Variants in PAFAH1B1 observed in about 807,000 individuals in gnomAD.
PAFAH1B1 encodes the protein platelet-activating factor acetylhydrolase IB subunit beta.
In PAFAH1B1, 2 loss-of-function variants were observed where a neutral mutation model predicts 57.5. The observed-to-expected ratio is 0.03, with a 90% CI of 0.01 to 0.11. The LOEUF is 0.11. PAFAH1B1 is among the 10% of genes least tolerant of loss of function. The probability of loss-of-function intolerance (pLI) is 1.00; values close to 1 mark genes in which losing one functional copy is unlikely to be tolerated. For missense variants in PAFAH1B1, 257 were observed against 512.0 expected (o/e 0.50, Z 4.81); for synonymous variants, 152 against 169.6 (o/e 0.90, Z 0.81).
intron 5 of PAFAH1B1, among the ~76,000 whole-genome samples, chr17:2,669,469 A>T (rs1394329077): frequency 6.6e-6 from 1 of 152,020 alleles, no homozygotes; most frequent in Non-Finnish European, 1.5e-5. Context: ...TCACCATATT[A>T]GCCAGGATAG....
intron 2 of PAFAH1B1, among the ~76,000 whole-genome samples, chr17:2,662,421 T>TGTGC (rs2069029676): frequency 6.8e-6 from 1 of 146,996 alleles, no homozygotes; most frequent in Non-Finnish European, 1.5e-5. Flanking sequence ...TGTGTGTGTG[T>TGTGC]GTGACGGAGT....
intron 2 of PAFAH1B1, among the ~76,000 whole-genome samples, chr17:2,660,161 T>A (rs1454286631): frequency 6.6e-6 from 1 of 151,998 alleles, no homozygotes; most frequent in Non-Finnish European, 1.5e-5. Context: ...CCTGGACCTT[T>A]TAGAGGAATG....
chr17:2,631,395 C>T (rs1202196451), intron 1 of PAFAH1B1, among the ~76,000 whole-genome samples: 3 of 152,146 alleles, frequency 2.0e-5, no homozygotes, highest in African/African-American at 4.8e-5. Flanking sequence ...GGAGGCTTCC[C>T]ACCCCATTCA....
At chr17:2,679,665 G>A (rs533264560) in intron 9 of PAFAH1B1, 4 of 156,016 alleles carry the variant, frequency 2.6e-5, no homozygotes, top group African/African-American at 9.6e-5. Context: ...TGGATGGATG[G>A]ATGGATATAT....
intron 2 of PAFAH1B1, chr17:2,642,050 A>G (rs2068702176): frequency 6.6e-6 from 1 of 152,194 alleles, no homozygotes; most frequent in African/African-American, 2.4e-5. Flanking sequence ...AACTACTGAT[A>G]AGTACCTACA....
In PAFAH1B1 at chr17:2,670,447, T is replaced by C; in HGVS notation, c.568+116T>C. 4.0e-6 allele frequency: 4 copies of C among 994,294 alleles called. No homozygotes were observed. The South Asian group carries it at 5.2e-5, about 13-fold the overall frequency. The allele number at this position is 994,294 out of a possible 1,614,324, so 61.6% of individuals were successfully genotyped here. A position where few individuals can be genotyped will look rare whatever the true frequency, so the allele number is the denominator to read the frequency against. ...TTCACCTCTTAATTGTCAGTATTGGTGGAAGAGCATACCATGTAGATAGTC... is the reference window on the plus strand; with the variant it reads ...TTCACCTCTTAATTGTCAGTATTGGCGGAAGAGCATACCATGTAGATAGTC... On this transcript the variant is annotated intron_variant, in intron 6 of 10. Transcript: ENST00000397195.
chr17:2,654,490 A>G (rs1210632101), intron 2 of PAFAH1B1, among the ~76,000 whole-genome samples: 1 of 151,972 alleles, frequency 6.6e-6, no homozygotes, highest in Non-Finnish European at 1.5e-5. Context: ...TTTCAACTTT[A>G]AAAGTTTGAT....
intron 2 of PAFAH1B1, chr17:2,642,519 A>G (rs993063916): frequency 9.2e-5 from 14 of 152,340 alleles, no homozygotes; most frequent in Middle Eastern, 3.4e-3. Flanking sequence ...TATCCGAGAT[A>G]CCTCGTTAGA....
rs149247122 is a variant in PAFAH1B1 at position 2,595,260 on chromosome 17, CCAAA to C, written c.-191+1262_-191+1265del. Reference sequence around the variant, plus strand: ...TTGGAGTTTCATAAGGTTTTAAAGGCCAAACAAACAATTTGTGCCATTTTTGGCA... The same window carrying C: ...TTGGAGTTTCATAAGGTTTTAAAGGCCAAACAATTTGTGCCATTTTTGGCA... On this transcript the variant is annotated intron_variant, in intron 1 of 10. Transcript: ENST00000397195. Among the ~76,000 whole-genome samples, 1,464 of 152,118 alleles carry C rather than the reference CCAAA, an allele frequency of 9.6e-3. 27 individuals carry two copies. Among genetic ancestry groups the C allele is most frequent in the African/African-American group, 0.033 (1,356 of 41,484 alleles).
intron 2 of PAFAH1B1, among the ~76,000 whole-genome samples, chr17:2,652,642 C>T (rs1343920981): frequency 6.6e-6 from 1 of 152,174 alleles, no homozygotes; most frequent in South Asian, 2.1e-4. Flanking sequence ...TGAAGGTCTG[C>T]ACCTGCCCGC....
At position 2,634,745 on chromosome 17, in the gene PAFAH1B1, C is replaced by G. The variant is rs76157053; in HGVS notation, c.-190-3354C>G. On this transcript the variant is annotated intron_variant, in intron 1 of 10. Transcript: ENST00000397195. ...TAAAGACCTGAGTTTATTTTGTGGC[C>G]TGTTTGCTTGCTCAGCTTCGTCCTG... Among the ~76,000 whole-genome samples the G allele has an allele frequency of 5.5e-4, 83 of 152,144 alleles. No homozygotes were observed. The East Asian group carries it at 0.016, about 29-fold the overall frequency.
At chr17:2,679,606 GTGGATGGATGGATGATTGGATGATTGGA>G (rs1442862457) in intron 9 of PAFAH1B1, 3 of 108,682 alleles carry the variant, frequency 2.8e-5, no homozygotes, top group Admixed American at 9.2e-5. Context: ...GGGTGGGTGG[GTGGATGGATGGATGATTGGATGATTGGA>G]TGGATGGATG....
At chr17:2,672,505 C>T in intron 6 of PAFAH1B1, 150 bp from the exon 7 acceptor site, 1 of 639,518 alleles carries the variant, frequency 1.6e-6, no homozygotes, top group Non-Finnish European at 2.8e-6. Flanking sequence ...CGTGTAAATC[C>T]AGGTTTCTTA....
chr17:2,646,634 A>G (rs1020013897), intron 2 of PAFAH1B1, among the ~76,000 whole-genome samples: 10 of 152,214 alleles, frequency 6.6e-5, no homozygotes, highest in Admixed American at 6.5e-5. Flanking sequence ...CAACAGAGTG[A>G]GACTCTGTCT....
At chr17:2,613,084 C>T (rs1227460250) in intron 1 of PAFAH1B1, among the ~76,000 whole-genome samples, 1 of 145,188 alleles carries the variant, frequency 6.9e-6, no homozygotes, top group Non-Finnish European at 1.5e-5. Flanking sequence ...TTTTAGTGTC[C>T]ATAAAGTTTT....
At chr17:2,680,101 T>A in intron 9 of PAFAH1B1, 63 bp from the exon 10 acceptor site, 1 of 1,394,054 alleles carries the variant, frequency 7.2e-7, no homozygotes, top group Non-Finnish European at 1.0e-6. Context: ...TATCGTATTA[T>A]GAAATAGATG....
intron 1 of PAFAH1B1, among the ~76,000 whole-genome samples, chr17:2,601,026 C>G (rs772757425): frequency 5.9e-5 from 9 of 152,082 alleles, no homozygotes; most frequent in Non-Finnish European, 1.2e-4. Context: ...GCTATCATGC[C>G]TGGCCTTGGT....
chr17:2,613,381 A>C (rs979222551), intron 1 of PAFAH1B1: 1 of 239,746 alleles, frequency 4.2e-6, no homozygotes, highest in African/African-American at 2.3e-5. Flanking sequence ...GGCCCCCTTC[A>C]TAGGGGGAGG....
chr17:2,618,812 C>A (rs1260820512), intron 1 of PAFAH1B1, among the ~76,000 whole-genome samples: 1 of 147,306 alleles, frequency 6.8e-6, no homozygotes, highest in South Asian at 2.3e-4. Flanking sequence ...CTTGGGAGGC[C>A]GAGGTAGGAG....
Sources: gnomAD v4.1 joint callset for allele counts (sites outside exome capture counted in the v4.1 genomes callset) on GRCh38, gnomAD v4.1.1 for gene constraint, MANE v1.5 for transcripts, NCBI Gene and HGNC (gene_info 2026-07-23, HGNC 2026-07-21) for gene names.